The following TENM2 variants were observed in gnomAD, a reference collection of about 807,000 sequenced individuals.
The protein encoded by TENM2 is teneurin-2.
In TENM2, 52 loss-of-function variants were observed where a neutral mutation model predicts 245.2. That is an observed-to-expected ratio of 0.21 (90% CI 0.17 to 0.27). The LOEUF (loss-of-function observed/expected upper bound fraction) is 0.27, where lower values mean the gene tolerates loss of function less well. TENM2 is among the 10% of genes least tolerant of loss of function. TENM2 has a pLI of 1.00. For synonymous variants in TENM2, 1,363 were observed against 1,438.9 expected (o/e 0.95, Z 1.19); for missense variants, 3,046 against 3,666.8 (o/e 0.83, Z 4.37).
chr5:167,447,624 C>G (rs1765310448), intron 2 of TENM2, among the ~76,000 whole-genome samples: 1 of 152,138 alleles, frequency 6.6e-6, no homozygotes, highest in South Asian at 2.1e-4. Context: ...TGAAGAGTAA[C>G]ACCTGACCCC....
At chr5:167,445,968 A>G (rs531356886) in intron 2 of TENM2, among the ~76,000 whole-genome samples, 1 of 152,210 alleles carries the variant, frequency 6.6e-6, no homozygotes, top group East Asian at 1.9e-4. Flanking sequence ...GTGGATAATA[A>G]TGCTGTGATG....
At chr5:168,053,680 G>A (rs1789302308) in intron 6 of TENM2, among the ~76,000 whole-genome samples, 1 of 152,198 alleles carries the variant, frequency 6.6e-6, no homozygotes, top group South Asian at 2.1e-4. Flanking sequence ...GGACATACAT[G>A]GGTTATGTGA....
intron 2 of TENM2, among the ~76,000 whole-genome samples, chr5:167,799,770 A>G (rs913273136): frequency 1.3e-5 from 2 of 152,226 alleles, no homozygotes; most frequent in Non-Finnish European, 2.9e-5. Context: ...AGGCAAGATC[A>G]AAAGAAGGAT....
intron 28 of TENM2, 111 bp downstream of exon 30, chr5:168,260,524 T>G (rs970002458): frequency 3.3e-5 from 43 of 1,300,614 alleles, no homozygotes; most frequent in Admixed American, 9.6e-5. Context: ...TGGAGCTGGG[T>G]ATAAAAGGTG....
chr5:167,272,425 G>A, the TENM2 span, among the ~76,000 whole-genome samples: 5 of 152,132 alleles, frequency 3.3e-5, no homozygotes, highest in Admixed American at 1.3e-4. Flanking sequence ...TTCAATTAAC[G>A]TGTTATCAGA....
chr5:167,849,931 A>G (rs951419530), intron 2 of TENM2, among the ~76,000 whole-genome samples: 9 of 152,022 alleles, frequency 5.9e-5, no homozygotes, highest in African/African-American at 1.9e-4. Context: ...AGCTCCCCAA[A>G]TCCTATTCGT....
At chr5:167,242,047 T>TTTTTTG in the TENM2 span, among the ~76,000 whole-genome samples, 14 of 117,078 alleles carry the variant, frequency 1.2e-4, no homozygotes, top group African/African-American at 4.1e-4. Flanking sequence ...TTGTTTTTTG[T>TTTTTTG]TTTTTTTTTT....
At chr5:167,593,943 T>C (rs1776037765) in intron 2 of TENM2, among the ~76,000 whole-genome samples, 1 of 152,164 alleles carries the variant, frequency 6.6e-6, no homozygotes, top group Admixed American at 6.6e-5. Flanking sequence ...GCAGCTGTCA[T>C]TGGGTGACAA....
At chr5:167,375,368 G>A in exon 2 of TENM2, 2 of 1,551,658 alleles carry the variant, frequency 1.3e-6, no homozygotes, top group Non-Finnish European at 1.7e-6. Context: ...CAGACTGTGG[G>A]GCAGAGGGAT....
intron 1 of TENM2, among the ~76,000 whole-genome samples, chr5:167,328,056 C>G (rs1757192834): frequency 6.6e-6 from 1 of 151,976 alleles, no homozygotes; most frequent in South Asian, 2.1e-4. Context: ...GAATGGTGCA[C>G]CTTCTGTCTT....
the TENM2 span, among the ~76,000 whole-genome samples, chr5:167,220,452 C>A: frequency 6.6e-6 from 1 of 152,068 alleles, no homozygotes; most frequent in Non-Finnish European, 1.5e-5. Flanking sequence ...ATTTTATAAG[C>A]CAAAACAAGG....
Position 167,389,419 on chromosome 5 carries a change from G to A in TENM2, c.502+13946G>A, listed in dbSNP as rs1290797498. Among the ~76,000 whole-genome samples, 4 of 151,944 alleles carry A rather than the reference G, an allele frequency of 2.6e-5. No individual in the cohort carries two copies. The East Asian group carries it at 7.8e-4, about 29-fold the overall frequency. On this transcript the variant is annotated intron_variant, in intron 2 of 28. Transcript: ENST00000518659. ...GGAAATTAATAATTTTACAGAGTTG[G>A]CATGTTTTACATGCCCTATATAGCA...
At chr5:167,659,035 C>G (rs1371467394) in intron 2 of TENM2, among the ~76,000 whole-genome samples, 1 of 152,170 alleles carries the variant, frequency 6.6e-6, no homozygotes, top group Non-Finnish European at 1.5e-5. Context: ...TGGGATGATT[C>G]CTCGGAGTGT....
chr5:167,386,051 A>G (rs1761415818), intron 2 of TENM2, among the ~76,000 whole-genome samples: 1 of 152,086 alleles, frequency 6.6e-6, no homozygotes, highest in African/African-American at 2.4e-5. Flanking sequence ...ACAGTAGTGA[A>G]ATTGCTGGAT....
chr5:167,334,867 T>TAA (rs1757665111), intron 1 of TENM2, among the ~76,000 whole-genome samples: 1 of 152,220 alleles, frequency 6.6e-6, no homozygotes, highest in African/African-American at 2.4e-5. Flanking sequence ...GGAGGACTTG[T>TAA]AGCCTTAAAA....
At chr5:167,851,585 G>A (rs1300162012) in intron 2 of TENM2, among the ~76,000 whole-genome samples, 4 of 152,114 alleles carry the variant, frequency 2.6e-5, no homozygotes, top group African/African-American at 2.4e-5. Context: ...GAGCCCGAGG[G>A]TAGACTTTTG....
chr5:167,435,975 C>CTTTTTTTTTTTT (rs71591181), intron 2 of TENM2, among the ~76,000 whole-genome samples: 14 of 83,130 alleles, frequency 1.7e-4, no homozygotes, highest in East Asian at 2.4e-4. Context: ...CTTTTTTTTT[C>CTTTTTTTTTTTT]TTTTTTTTTT....
chr5:168,121,895 T>A (rs1261340375), intron 10 of TENM2, among the ~76,000 whole-genome samples: 1 of 152,212 alleles, frequency 6.6e-6, no homozygotes, highest in African/African-American at 2.4e-5. Context: ...GAATTTCCTT[T>A]ATTGGAACAA....
chr5:167,333,300 A>G (rs1757562640), intron 1 of TENM2, among the ~76,000 whole-genome samples: 1 of 152,180 alleles, frequency 6.6e-6, no homozygotes, highest in Non-Finnish European at 1.5e-5. Flanking sequence ...GACCCCTACA[A>G]CTGCTTACTT....
Sources: allele counts gnomAD v4.1 joint callset (sites outside exome capture counted in the v4.1 genomes callset), GRCh38; gene constraint gnomAD v4.1.1; transcripts MANE v1.5; gene names NCBI Gene and HGNC (gene_info 2026-07-23, HGNC 2026-07-21).